Variants in MED12L observed in about 807,000 individuals in gnomAD.
MED12L encodes mediator complex subunit 12L, also known as mediator of RNA polymerase II transcription subunit 12-like protein.
A neutral mutation model predicts 281.3 loss-of-function variants in MED12L; 60 were observed. The ratio of observed to expected loss-of-function variants is 0.21; its 90% CI spans 0.17 to 0.26. The LOEUF (loss-of-function observed/expected upper bound fraction) is 0.26, where lower values mean the gene tolerates loss of function less well. Ranked by LOEUF, MED12L falls within the 10% of genes least tolerant of loss-of-function variation. The pLI is 1.00. For missense variants in MED12L, 2,146 were observed against 2,680.9 expected, an observed-to-expected ratio of 0.80 and a Z score of 4.41; for synonymous variants, 974 against 987.2, an observed-to-expected ratio of 0.99 and a Z score of 0.25.
intron 14 of MED12L, among the ~76,000 whole-genome samples, chr3:151,192,159 A>G (rs965383617): frequency 5.9e-5 from 9 of 152,184 alleles, no homozygotes; most frequent in African/African-American, 2.2e-4. Context: ...CATGTTTTCT[A>G]TCCTCCTGCT....
intron 19 of MED12L, among the ~76,000 whole-genome samples, chr3:151,356,344 A>G (rs1327725859): frequency 6.6e-6 from 1 of 152,152 alleles, no homozygotes; most frequent in Non-Finnish European, 1.5e-5. Context: ...ATAAGCCATG[A>G]TCATACAACT....
chr3:151,327,153 A>G (rs1296459434), intron 16 of MED12L: 4 of 152,186 alleles, frequency 2.6e-5, no homozygotes, highest in Admixed American at 2.6e-4. Context: ...GGAGATCTGC[A>G]TTGAGAACCC....
intron 16 of MED12L, chr3:151,212,900 A>G (rs1727409932): frequency 6.5e-6 from 1 of 153,346 alleles, no homozygotes; most frequent in Non-Finnish European, 1.4e-5. Flanking sequence ...GTTGAAAACA[A>G]TTACATACTA....
chr3:151,116,275 A>G (rs921022482), intron 2 of MED12L, 63 bp from the exon 3 acceptor site: 5 of 1,129,306 alleles, frequency 4.4e-6, no homozygotes, highest in Non-Finnish European at 6.5e-6. Context: ...TTAGGATGCA[A>G]TATGTGGGAT....
chr3:151,395,474 CA>C (rs1424803196), intron 39 of MED12L, among the ~76,000 whole-genome samples: 1 of 152,120 alleles, frequency 6.6e-6, no homozygotes, highest in Non-Finnish European at 1.5e-5. Context: ...GACAGTGATC[CA>C]TGTTTAAGAA....
intron 4 of MED12L, among the ~76,000 whole-genome samples, chr3:151,123,567 C>T (rs973600283): frequency 6.6e-6 from 1 of 152,146 alleles, no homozygotes; most frequent in South Asian, 2.1e-4. Flanking sequence ...TACATAGATT[C>T]AACAATCTTG....
At chr3:151,218,904 G>A (rs1279036547) in intron 16 of MED12L, among the ~76,000 whole-genome samples, 7 of 149,700 alleles carry the variant, frequency 4.7e-5, no homozygotes, top group Non-Finnish European at 7.4e-5. Context: ...AAAAGAGGGG[G>A]GGTATACTGT....
intron 11 of MED12L, among the ~76,000 whole-genome samples, chr3:151,170,594 C>G (rs1415132190): frequency 1.3e-5 from 2 of 152,246 alleles, no homozygotes; most frequent in East Asian, 3.9e-4. Context: ...TAATTCTTTA[C>G]TCTCCCTCCC....
chr3:151,151,610 A>C (rs1301414839), intron 5 of MED12L, among the ~76,000 whole-genome samples: 1 of 148,860 alleles, frequency 6.7e-6, no homozygotes, highest in South Asian at 2.2e-4. Flanking sequence ...GAAGAGAGAT[A>C]TGGGACAGAG....
At chr3:151,087,155 G>T in intron 2 of MED12L, 130 bp downstream of exon 2, 4 of 744,534 alleles carry the variant, frequency 5.4e-6, no homozygotes. Context: ...AGAGGCGGGG[G>T]CCAGGCTGGG....
chr3:151,414,745 C>G (rs1309280287), intron 42 of MED12L, among the ~76,000 whole-genome samples: 3 of 151,910 alleles, frequency 2.0e-5, no homozygotes, highest in African/African-American at 7.3e-5. Context: ...AAATTGATAA[C>G]ATGTGGTAAC....
Position 151,345,504 on chromosome 3 carries a change from CT to C in MED12L, c.2251-4549del, listed in dbSNP as rs11391975. Among the ~76,000 whole-genome samples the C allele has an allele frequency of 6.9e-3, 990 of 143,994 alleles. 10 individuals carry two copies. Among genetic ancestry groups the C allele is most frequent in the South Asian group, 0.025 (113 of 4,596 alleles). The allele number at this position is 143,994 out of a possible 152,430, so 94.5% of individuals were successfully genotyped here. A position where few individuals can be genotyped will look rare whatever the true frequency, so the allele number is the denominator to read the frequency against. ...ATTTGAAGGCTTCTACGTTTTCTTT[CT>C]TTTTTCTTTTTCTTTTTTTTTTTTT... is the stretch of plus-strand genomic sequence containing the variant. On this transcript the variant is annotated intron_variant, in intron 16 of 44. Transcript: ENST00000687756.
Position 151,382,216 on chromosome 3 carries a change from A to G in MED12L, c.4591-440A>G, listed in dbSNP as rs554405487. ...ATCAAGGAAGACACATACATAAGATAGCAGACCTTCTCTTCTATAAAACAT... is the reference window on the plus strand; with the variant it reads ...ATCAAGGAAGACACATACATAAGATGGCAGACCTTCTCTTCTATAAAACAT... On this transcript the variant is annotated intron_variant, in intron 32 of 44. Transcript: ENST00000687756. Among the ~76,000 whole-genome samples, 6 of 152,330 alleles carry G rather than the reference A, an allele frequency of 3.9e-5. No homozygotes were observed. In the South Asian group the frequency reaches 1.2e-3, roughly 32 times the overall value.
chr3:151,190,675 C>A (rs752932383), intron 13 of MED12L, 42 bp from the exon 14 acceptor site: 1 of 1,572,846 alleles, frequency 6.4e-7, no homozygotes, highest in Non-Finnish European at 8.7e-7. Context: ...TTTTTTCTAC[C>A]ACCTGCTCAA....
At chr3:151,425,290 A>G (rs926651322) in intron 43 of MED12L, 4 of 169,776 alleles carry the variant, frequency 2.4e-5, no homozygotes, top group African/African-American at 9.6e-5. Flanking sequence ...ATTACTAATT[A>G]GCAGCACATT....
intron 16 of MED12L, among the ~76,000 whole-genome samples, chr3:151,223,139 CT>C (rs367651382): frequency 1.8e-4 from 26 of 143,414 alleles, no homozygotes; most frequent in African/African-American, 6.8e-4. Context: ...ATCATATATT[CT>C]AACTTTACAA....
chr3:151,303,608 C>T (rs1168215593), intron 16 of MED12L, among the ~76,000 whole-genome samples: 1 of 152,114 alleles, frequency 6.6e-6, no homozygotes, highest in East Asian at 1.9e-4. Context: ...ACTAAAAATA[C>T]AACAATTAGC....
intron 16 of MED12L, among the ~76,000 whole-genome samples, chr3:151,215,453 CTTAAA>C (rs1261708947): frequency 6.6e-6 from 1 of 152,104 alleles, no homozygotes; most frequent in African/African-American, 2.4e-5. Context: ...TATTATTACT[CTTAAA>C]TTTAACTTAA....
At chr3:151,278,904 C>T (rs1359201491) in intron 16 of MED12L, among the ~76,000 whole-genome samples, 3 of 152,120 alleles carry the variant, frequency 2.0e-5, no homozygotes, top group Non-Finnish European at 4.4e-5. Flanking sequence ...ATTAATTTTC[C>T]CATATTTGAA....
Sources: gnomAD v4.1 joint callset for allele counts (sites outside exome capture counted in the v4.1 genomes callset) on GRCh38, gnomAD v4.1.1 for gene constraint, MANE v1.5 for transcripts, NCBI Gene and HGNC (gene_info 2026-07-23, HGNC 2026-07-21) for gene names.